CRACDL: variants seen among roughly 807,000 people sequenced by gnomAD.
CRACDL encodes the protein CRACD like, also known as CRACD-like protein.
In CRACDL, 26 loss-of-function variants were observed where a neutral mutation model predicts 70.6. The ratio of observed to expected loss-of-function variants is 0.37; its 90% CI spans 0.27 to 0.51. The LOEUF (loss-of-function observed/expected upper bound fraction) is 0.51, where lower values mean the gene tolerates loss of function less well. Among genes scored for constraint, CRACDL ranks in the 20% least tolerant of loss-of-function variants. The pLI, the probability that CRACDL is intolerant of heterozygous loss-of-function variation, is 0.94. For synonymous variants in CRACDL, 618 were observed against 615.2 expected (o/e 1.00, Z -0.07); for missense variants, 1,283 against 1,376.9 (o/e 0.93, Z 1.08).
intron 1 of CRACDL, among the ~76,000 whole-genome samples, chr2:98,855,052 G>A (rs1189146067): frequency 6.6e-6 from 1 of 152,214 alleles, no homozygotes; most frequent in Non-Finnish European, 1.5e-5. Context: ...CACTTTGGGA[G>A]CCCAAGGCAG....
Position 98,936,043 on chromosome 2 carries a change from C to T in CRACDL, c.-116G>A, listed in dbSNP as rs1242473751. 1 of 152,048 alleles carries T rather than the reference C, an allele frequency of 6.6e-6. No individual in the cohort carries two copies. The highest frequency in any genetic ancestry group is 1.5e-5 in the Non-Finnish European group (1 of 67,984). 9.4% of individuals were successfully genotyped at this position (152,048 alleles called of 1,614,324 possible). ...TCCCGCCGCGGTGCGCGTCTAGCCC[C>T]AGCCCAAAGCCGGGGCGACGCAGCA... On this transcript the variant is annotated 5_prime_UTR_variant, in exon 1 of 10. Coordinates refer to ENST00000397899, the MANE Select transcript of CRACDL (RefSeq NM_207362.3).
chr2:98,876,866 C>A (rs1707499880), intron 1 of CRACDL, among the ~76,000 whole-genome samples: 1 of 152,200 alleles, frequency 6.6e-6, no homozygotes, highest in Non-Finnish European at 1.5e-5. Flanking sequence ...ATGTGTTAGG[C>A]CCCAGTAAAT....
intron 2 of CRACDL, among the ~76,000 whole-genome samples, chr2:98,845,126 TA>T (rs943952023): frequency 8.5e-5 from 13 of 152,154 alleles, no homozygotes; most frequent in Non-Finnish European, 1.6e-4. Context: ...GTAAATGATC[TA>T]AGGGCAAAGT....
chr2:98,871,332 T>C (rs180686294), intron 1 of CRACDL, among the ~76,000 whole-genome samples: 26 of 152,282 alleles, frequency 1.7e-4, no homozygotes, highest in African/African-American at 5.8e-4. Flanking sequence ...GGGAAGGAAA[T>C]GAACATTTAT....
At chr2:98,854,672 G>T (rs969696241) in intron 1 of CRACDL, among the ~76,000 whole-genome samples, 1 of 152,134 alleles carries the variant, frequency 6.6e-6, no homozygotes, top group Non-Finnish European at 1.5e-5. Flanking sequence ...TTGGGCAAAT[G>T]ATTTGAAATA....
At chr2:98,900,484 C>A (rs1456459613) in intron 1 of CRACDL, among the ~76,000 whole-genome samples, 8 of 152,006 alleles carry the variant, frequency 5.3e-5, no homozygotes, top group Non-Finnish European at 1.0e-4. Context: ...ACCCACCCAG[C>A]AACCACACCT....
chr2:98,829,851 A>G (rs1705463319), intron 5 of CRACDL, among the ~76,000 whole-genome samples: 1 of 151,974 alleles, frequency 6.6e-6, no homozygotes, highest in African/African-American at 2.4e-5. Flanking sequence ...TGGCTGTTCG[A>G]GGGGTGAAAA....
rs762221529 is a variant in CRACDL at position 98,822,819 on chromosome 2, G to A, written c.1454C>T (p.Thr485Met). ...CGCCGGCGGGCTCGGGGCGGGCGCC[G>A]TGGAGGGCTCGGTCCCAATTCTCTC... ...EPERIGTEPS[T>M]APAPSPPAPK... is the part of the protein sequence containing the mutation. Residue 485 changes from threonine (T) to methionine (M), a missense_variant, in exon 7 of 10, where the codon ACG (threonine) becomes ATG (methionine). This residue lies in a region of CRACDL where 921 missense variants were observed against 881.9 expected (regional missense o/e 1.04). Coordinates refer to ENST00000397899, the MANE Select transcript of CRACDL (RefSeq NM_207362.3). The surrounding 1 kb of genome is among the most constrained non-coding windows in gnomAD (Gnocchi z 4.9). The A allele has an allele frequency of 9.3e-6, 13 of 1,392,824 alleles. No homozygotes were observed. The African/African-American group carries it at 1.3e-4, about 14-fold the overall frequency. The allele number at this position is 1,392,824 out of a possible 1,614,324, so 86.3% of individuals were successfully genotyped here. A position where few individuals can be genotyped will look rare whatever the true frequency, so the allele number is the denominator to read the frequency against.
chr2:98,869,089 C>T (rs1707250486), intron 1 of CRACDL: 4 of 1,304,094 alleles, frequency 3.1e-6, no homozygotes, highest in Middle Eastern at 2.1e-4. Flanking sequence ...TGGGGTCAGG[C>T]CTGATGCACT....
intron 7 of CRACDL, among the ~76,000 whole-genome samples, chr2:98,819,150 T>A (rs889189357): frequency 1.3e-5 from 2 of 152,076 alleles, no homozygotes; most frequent in Non-Finnish European, 2.9e-5. Flanking sequence ...CAAAGAAAAA[T>A]ACACAAAGTA....
intron 2 of CRACDL, among the ~76,000 whole-genome samples, chr2:98,846,036 AAG>A (rs1420930796): frequency 6.6e-6 from 1 of 152,248 alleles, no homozygotes; most frequent in Admixed American, 6.5e-5. Context: ...CAGTGTAAAT[AAG>A]AGAGAGATGG....
intron 7 of CRACDL, among the ~76,000 whole-genome samples, chr2:98,806,010 C>G (rs2871243): frequency 6.6e-6 from 1 of 152,242 alleles, no homozygotes; most frequent in Non-Finnish European, 1.5e-5. Context: ...CCAGAGGGGC[C>G]GTCTTCCCCG....
rs138710130 is a variant in CRACDL at position 98,863,568 on chromosome 2, C to T, written c.-10-16758G>A. On this transcript the variant is annotated intron_variant, in intron 1 of 9. Coordinates refer to ENST00000397899, the MANE Select transcript of CRACDL (RefSeq NM_207362.3). ...TATTTTACGTGATTTAAGAGACTAG[C>T]ACTTTTTTAAAAAAAGAGGTACAGG... 2.8e-3 allele frequency among the ~76,000 whole-genome samples: 424 copies of T among 152,218 alleles called. 2 individuals carry two copies. The highest frequency in any genetic ancestry group is 9.8e-3 in the African/African-American group (406 of 41,544).
At chr2:98,889,844 A>C (rs191459231) in intron 1 of CRACDL, among the ~76,000 whole-genome samples, 1 of 152,366 alleles carries the variant, frequency 6.6e-6, no homozygotes, top group Admixed American at 6.5e-5. Flanking sequence ...GTTAGAAATC[A>C]CTAACAAAAG....
chr2:98,833,257 C>A (rs1219748797), intron 3 of CRACDL, among the ~76,000 whole-genome samples: 2 of 152,154 alleles, frequency 1.3e-5, no homozygotes, highest in Non-Finnish European at 2.9e-5. Context: ...AATGAAAAAA[C>A]CAAGGTTTGA....
chr2:98,869,066 C>T, intron 1 of CRACDL: 1 of 1,302,202 alleles, frequency 7.7e-7, no homozygotes, highest in Non-Finnish European at 1.0e-6. Context: ...TCTTTGCTCT[C>T]AGAGGGCCCA....
Position 98,838,287 on chromosome 2 carries a change from C to G in CRACDL, c.71G>C (p.Gly24Ala). 6.4e-7 allele frequency: 1 copy of G among 1,550,972 alleles called. No individual in the cohort carries two copies. Among genetic ancestry groups the G allele is most frequent in the Non-Finnish European group, 8.8e-7 (1 of 1,132,656 alleles). Residue 24 changes from glycine (G) to alanine (A), a missense_variant and splice_region_variant, in exon 3 of 10, where the codon GGA (glycine) becomes GCA (alanine). Physicochemically the swap from Gly to Ala is moderately conservative, Grantham distance 60. This residue lies in a region of CRACDL where 362 missense variants were observed against 495.0 expected (regional missense o/e 0.73). Transcript: ENST00000397899. Reference sequence around the variant, plus strand: ...AGTTTTGAATTTAGATTTTTTCTTTCCTATACAGATTAGAGAAAAAAATAA... The same window carrying G: ...AGTTTTGAATTTAGATTTTTTCTTTGCTATACAGATTAGAGAAAAAAATAA... ...AAEGLGEDST[G>A]KKKSKFKTFK...
intron 7 of CRACDL, among the ~76,000 whole-genome samples, 165 bp from the exon 8 acceptor site, chr2:98,797,702 C>T (rs1703887841): frequency 6.6e-6 from 1 of 152,144 alleles, no homozygotes. Flanking sequence ...AAAGATGCAT[C>T]AGAGAGATTA....
Position 98,823,066 on chromosome 2 carries a change from G to T in CRACDL, c.1207C>A (p.Pro403Thr). Residue 403 changes from proline to threonine, a missense_variant, in exon 7 of 10, where the codon CCC becomes ACC. Around this residue, in one of 2 missense-constraint regions of CRACDL, gnomAD observed 921 missense variants for 881.9 expected, o/e 1.04. Coordinates refer to ENST00000397899, the MANE Select transcript of CRACDL (RefSeq NM_207362.3). This position sits in a 1 kb window ranked among gnomAD's most constrained non-coding sequence, Gnocchi z 4.0. ...GTGTCCCCCTCAGGGATGGCGGTGGGAAACGGGCTCGCGACGTCTTCGGGA... is the reference window on the plus strand; with the variant it reads ...GTGTCCCCCTCAGGGATGGCGGTGGTAAACGGGCTCGCGACGTCTTCGGGA... ...CAPEDVASPF[P>T]TAIPEGDTTP... 1 of 1,571,144 alleles carries T rather than the reference G, an allele frequency of 6.4e-7. No homozygotes were observed. The highest frequency in any genetic ancestry group is 8.6e-7 in the Non-Finnish European group (1 of 1,161,738).
Sources: allele counts gnomAD v4.1 joint callset (sites outside exome capture counted in the v4.1 genomes callset), GRCh38; gene constraint gnomAD v4.1.1; regional missense constraint gnomAD v4.1.1; non-coding constraint Gnocchi (gnomAD v3.1); transcripts MANE v1.5; gene names NCBI Gene and HGNC (gene_info 2026-07-23, HGNC 2026-07-21).